The following GLT1D1 variants were observed in gnomAD, a reference collection of about 807,000 sequenced individuals.
The protein encoded by GLT1D1 is glycosyltransferase 1 domain-containing protein 1.
Under a neutral mutation model 28.7 loss-of-function variants are expected in GLT1D1, and 21 were observed. The observed-to-expected ratio is 0.73, with a 90% CI of 0.52 to 1.05. The LOEUF is 1.05. Among genes scored for constraint, GLT1D1 ranks in the 50% least tolerant of loss-of-function variants. The pLI is 0.00. For missense variants in GLT1D1, 343 were observed against 330.6 expected, an observed-to-expected ratio of 1.04 and a Z score of -0.29; for synonymous variants, 147 against 124.8, an observed-to-expected ratio of 1.18 and a Z score of -1.19.
intron 7 of GLT1D1, among the ~76,000 whole-genome samples, chr12:128,962,379 C>T (rs1470034929): frequency 1.3e-5 from 2 of 152,234 alleles, no homozygotes; most frequent in Admixed American, 1.3e-4. Flanking sequence ...ACTAAGATAT[C>T]AGCAATGGCT....
chr12:128,960,515 T>C (rs943102268), intron 7 of GLT1D1, among the ~76,000 whole-genome samples: 3 of 152,120 alleles, frequency 2.0e-5, no homozygotes, highest in African/African-American at 7.2e-5. Context: ...CCCAGTACTT[T>C]GGGAAGCTGA....
intron 1 of GLT1D1, 93 bp from the exon 2 acceptor site, chr12:128,875,820 AC>A: frequency 1.6e-5 from 18 of 1,113,500 alleles, no homozygotes; most frequent in South Asian, 8.0e-5. Flanking sequence ...AACAACAACA[AC>A]CAAAAAAAAA....
chr12:128,911,032 C>A (rs558621348), intron 4 of GLT1D1, among the ~76,000 whole-genome samples: 6 of 152,164 alleles, frequency 3.9e-5, no homozygotes, highest in Non-Finnish European at 7.3e-5. Context: ...CGGGTTCAAG[C>A]GATTGTCCTG....
intron 1 of GLT1D1, among the ~76,000 whole-genome samples, chr12:128,864,732 A>T (rs1003373225): frequency 6.6e-6 from 1 of 151,356 alleles, no homozygotes; most frequent in Non-Finnish European, 1.5e-5. Flanking sequence ...GGAAGAGGAA[A>T]CAGGGAGAGG....
Position 128,874,766 on chromosome 12 carries a change from G to A in GLT1D1, c.69-1148G>A, listed in dbSNP as rs185779109. Among the ~76,000 whole-genome samples, 117 of 152,300 alleles carry A rather than the reference G, an allele frequency of 7.7e-4. 1 individual carries two copies. Among genetic ancestry groups the A allele is most frequent in the South Asian group, 5.0e-3 (24 of 4,824 alleles). On this transcript the variant is annotated intron_variant, in intron 1 of 7. Coordinates refer to ENST00000281703, the MANE Select transcript of GLT1D1 (RefSeq NM_144669.3). ...CTCAAAGTGCTGGGATTACAGGCGT[G>A]AGCCACCTCACCCAGCCCTCATGTC...
chr12:128,944,940 C>T, intron 4 of GLT1D1: 1 of 536,890 alleles, frequency 1.9e-6, no homozygotes, highest in Non-Finnish European at 3.3e-6. Context: ...AACGCTATCC[C>T]TCCTCCAGCC....
At chr12:128,921,726 C>T (rs970727589) in intron 4 of GLT1D1, among the ~76,000 whole-genome samples, 11 of 152,040 alleles carry the variant, frequency 7.2e-5, no homozygotes, top group East Asian at 3.9e-4. Context: ...TTCAGAGCCT[C>T]GAGTTCTCAG....
At chr12:128,931,199 C>T (rs1873835813) in intron 4 of GLT1D1, among the ~76,000 whole-genome samples, 1 of 151,998 alleles carries the variant, frequency 6.6e-6, no homozygotes, top group Non-Finnish European at 1.5e-5. Context: ...GACGGGCTTT[C>T]GCCATGTTGG....
intron 4 of GLT1D1, among the ~76,000 whole-genome samples, chr12:128,914,702 C>T (rs1471999662): frequency 6.6e-6 from 1 of 152,062 alleles, no homozygotes; most frequent in Non-Finnish European, 1.5e-5. Flanking sequence ...CGCCTATACT[C>T]CCAGCTACTC....
At chr12:128,912,182 CTT>C (rs375931145) in intron 4 of GLT1D1, among the ~76,000 whole-genome samples, 1 of 152,086 alleles carries the variant, frequency 6.6e-6, no homozygotes, top group African/African-American at 2.4e-5. Context: ...ATTTAAGAGA[CTT>C]TTTGTGTGTG....
chr12:128,947,225 A>G (rs1200016063), intron 5 of GLT1D1, 113 bp from the exon 10 acceptor site: 8 of 1,216,834 alleles, frequency 6.6e-6, no homozygotes, highest in Non-Finnish European at 9.6e-6. Context: ...TTGGTCAACA[A>G]TGCTTACTTG....
At chr12:128,915,327 C>T (rs1182403598) in intron 4 of GLT1D1, among the ~76,000 whole-genome samples, 2 of 151,886 alleles carry the variant, frequency 1.3e-5, no homozygotes, top group Non-Finnish European at 1.5e-5. Context: ...AGTTAAATTA[C>T]CATTGTAGAA....
chr12:128,929,985 A>G (rs563214582), intron 4 of GLT1D1, among the ~76,000 whole-genome samples: 2 of 152,226 alleles, frequency 1.3e-5, no homozygotes, highest in South Asian at 4.1e-4. Context: ...CAAAACAAAC[A>G]AACAAATAAA....
At chr12:128,899,669 C>G (rs751064600) in intron 4 of GLT1D1, among the ~76,000 whole-genome samples, 2 of 151,692 alleles carry the variant, frequency 1.3e-5, no homozygotes, top group Non-Finnish European at 2.9e-5. Context: ...CCTGCCTGAG[C>G]CTCCTGAGTA....
chr12:128,861,215 G>A (rs1234946787), intron 1 of GLT1D1, among the ~76,000 whole-genome samples: 1 of 152,118 alleles, frequency 6.6e-6, no homozygotes, highest in Non-Finnish European at 1.5e-5. Context: ...AGTTGTAGTG[G>A]CCCCAGCTAT....
At chr12:128,862,592 C>G (rs575368615) in intron 1 of GLT1D1, among the ~76,000 whole-genome samples, 1 of 152,276 alleles carries the variant, frequency 6.6e-6, no homozygotes, top group East Asian at 1.9e-4. Flanking sequence ...TGTGATGAGC[C>G]ATGATGGCAC....
At chr12:128,899,772 G>A (rs188535729) in intron 4 of GLT1D1, among the ~76,000 whole-genome samples, 4 of 152,104 alleles carry the variant, frequency 2.6e-5, no homozygotes, top group Admixed American at 2.0e-4. Context: ...GGCTGGTCTC[G>A]AACTACTGGC....
chr12:128,948,092 G>A (rs589944), intron 6 of GLT1D1, among the ~76,000 whole-genome samples: 45,059 of 151,962 alleles, frequency 0.3, 7,006 homozygotes, highest in African/African-American at 0.38. Flanking sequence ...TGGGAAGGCC[G>A]TGCTCGTGAA....
intron 4 of GLT1D1, among the ~76,000 whole-genome samples, chr12:128,902,062 T>C (rs1029147154): frequency 1.3e-5 from 2 of 151,738 alleles, no homozygotes; most frequent in South Asian, 4.1e-4. Context: ...GTTTAAACAT[T>C]TGAAAGATCT....
Sources: allele counts gnomAD v4.1 joint callset (sites outside exome capture counted in the v4.1 genomes callset), GRCh38; gene constraint gnomAD v4.1.1; transcripts MANE v1.5; gene names NCBI Gene and HGNC (gene_info 2026-07-23, HGNC 2026-07-21).